AGAP1: variants seen among roughly 807,000 people sequenced by gnomAD.
The protein encoded by AGAP1 is ArfGAP with GTPase domain, ankyrin repeat and PH domain 1.
In AGAP1, 29 loss-of-function variants were observed where a neutral mutation model predicts 105.3. The ratio of observed to expected loss-of-function variants is 0.28; its 90% CI spans 0.21 to 0.38. The LOEUF (loss-of-function observed/expected upper bound fraction) is 0.38. Among genes scored for constraint, AGAP1 ranks in the 10% least tolerant of loss-of-function variants. AGAP1 has a pLI of 1.00. For synonymous variants in AGAP1, 509 were observed against 485.9 expected (o/e 1.05, Z -0.63); for missense variants, 998 against 1,165.1 (o/e 0.86, Z 2.09).
intron 11 of AGAP1, among the ~76,000 whole-genome samples, chr2:235,928,551 T>C (rs1188246441): frequency 2.0e-5 from 3 of 152,142 alleles, no homozygotes; most frequent in Admixed American, 6.5e-5. Flanking sequence ...TAGAAGGTGC[T>C]GGAGCCAACA....
rs1367030497 is a variant in AGAP1 at position 235,551,280 on chromosome 2, C to T, written c.163+56431C>T. 6.6e-6 allele frequency among the ~76,000 whole-genome samples: 1 copy of T among 151,924 alleles called. No homozygotes were observed. Among genetic ancestry groups the T allele is most frequent in the Non-Finnish European group, 1.5e-5 (1 of 68,010 alleles). On this transcript the variant is annotated intron_variant, in intron 1 of 17. Coordinates refer to ENST00000304032, the MANE Select transcript of AGAP1 (RefSeq NM_001037131.3). This position sits in a 1 kb window ranked among gnomAD's most constrained non-coding sequence, Gnocchi z 4.8. The stretch of plus-strand genomic sequence containing the variant: ...GGCCTCTGCATCTCTTGAGTTGATT[C>T]TGAAAGGGTGAGGAGAGAGGGGCTA...
Position 235,716,702 on chromosome 2 carries a change from T to TGGG in AGAP1, c.223-851_223-849dup, listed in dbSNP as rs765617858. Among the ~76,000 whole-genome samples, 1 of 151,936 alleles carries TGGG rather than the reference T, an allele frequency of 6.6e-6. No individual in the cohort carries two copies. ...GAGCAGCTTCCCAGAGAAGGCGGCA[T>TGGG]GGGGGGTATCCAGCTCCCAAGCACA... is the stretch of plus-strand genomic sequence containing the variant. On this transcript the variant is annotated intron_variant, in intron 2 of 17. Coordinates refer to ENST00000304032, the MANE Select transcript of AGAP1 (RefSeq NM_001037131.3). This position sits in a 1 kb window ranked among gnomAD's most constrained non-coding sequence, Gnocchi z 4.0.
chr2:235,580,210 G>A (rs374094850), intron 1 of AGAP1, among the ~76,000 whole-genome samples: 15 of 152,130 alleles, frequency 9.9e-5, no homozygotes, highest in African/African-American at 1.9e-4. Context: ...ATGAACGTGC[G>A]TGTACAGGGA....
chr2:235,821,180 T>C (rs1390498197), intron 9 of AGAP1, among the ~76,000 whole-genome samples: 1 of 152,160 alleles, frequency 6.6e-6, no homozygotes, highest in African/African-American at 2.4e-5. Flanking sequence ...GAAGTTAAAT[T>C]AGTAATTGCT....
In AGAP1 at chr2:236,120,404, C is replaced by T. The variant is rs776103758; in HGVS notation, c.2327C>T (p.Ala776Val). 2 of 1,611,508 alleles carry T rather than the reference C, an allele frequency of 1.2e-6. No individual in the cohort carries two copies. Among genetic ancestry groups the T allele is most frequent in the Admixed American group, 1.7e-5 (1 of 60,012 alleles). Residue 776 changes from alanine to valine, a missense_variant, in exon 17 of 18, where the codon GCC becomes GTC. Ala to Val is a moderately conservative substitution (Grantham distance 64, BLOSUM62 0). This residue lies in a region of AGAP1 where 235 missense variants were observed against 270.7 expected (regional missense o/e 0.87). Transcript: ENST00000304032. This position sits in a 1 kb window ranked among gnomAD's most constrained non-coding sequence, Gnocchi z 6.0. ...EGDGRTALHL[A>V]CRKGNVVLAQ... ...GACGGCCGCACGGCGCTGCATCTGG[C>T]CTGCCGCAAGGGGAATGTGGTCCTG...
intron 9 of AGAP1, among the ~76,000 whole-genome samples, chr2:235,833,194 T>G (rs1959657342): frequency 6.6e-6 from 1 of 152,138 alleles, no homozygotes; most frequent in South Asian, 2.1e-4. Context: ...GGAGCAGTGC[T>G]GTGGAAGCAC....
intron 5 of AGAP1, among the ~76,000 whole-genome samples, chr2:235,745,363 A>T (rs959019850): frequency 6.6e-6 from 1 of 152,128 alleles, no homozygotes; most frequent in Non-Finnish European, 1.5e-5. Context: ...AGAGAATCCA[A>T]CTGGGCACAT....
intron 1 of AGAP1, among the ~76,000 whole-genome samples, chr2:235,598,439 C>T (rs1476107879): frequency 1.3e-5 from 2 of 152,128 alleles, no homozygotes; most frequent in Admixed American, 6.5e-5. Context: ...AGAAATAAGC[C>T]ATAGGAGCTT....
chr2:235,576,367 T>G (rs888949847), intron 1 of AGAP1, among the ~76,000 whole-genome samples: 4 of 152,244 alleles, frequency 2.6e-5, no homozygotes, highest in African/African-American at 9.6e-5. Flanking sequence ...ATTATTTTTG[T>G]GTGTGTTGTA....
chr2:235,947,206 A>G (rs2053540429), intron 12 of AGAP1, among the ~76,000 whole-genome samples: 1 of 152,208 alleles, frequency 6.6e-6, no homozygotes, highest in East Asian at 1.9e-4. Flanking sequence ...CCCAACGTGT[A>G]GTCTTTTATC....
chr2:235,991,285 A>G (rs6708073), intron 13 of AGAP1, among the ~76,000 whole-genome samples: 86,070 of 152,094 alleles, frequency 0.57, 24,456 homozygotes, highest in South Asian at 0.68. Context: ...TACTTTATTC[A>G]GTATATTCTA....
intron 13 of AGAP1, among the ~76,000 whole-genome samples, chr2:235,999,625 GGTA>G (rs1208393602): frequency 6.7e-6 from 1 of 148,198 alleles, no homozygotes; most frequent in East Asian, 2.1e-4. Context: ...TGATGATGGT[GGTA>G]GTGATTGTGG....
At chr2:235,572,993 T>C (rs1944586489) in intron 1 of AGAP1, among the ~76,000 whole-genome samples, 1 of 22,362 alleles carries the variant, frequency 4.5e-5, no homozygotes, top group Non-Finnish European at 8.1e-5. Flanking sequence ...TTCTTCTTCT[T>C]CTTCTTCTTC....
In AGAP1 at chr2:235,801,387, G is replaced by A. The variant is rs1957487806; in HGVS notation, c.957+1865G>A. Among the ~76,000 whole-genome samples the A allele has an allele frequency of 6.6e-6, 1 of 152,186 alleles. No individual in the cohort carries two copies. Among genetic ancestry groups the A allele is most frequent in the South Asian group, 2.1e-4 (1 of 4,822 alleles). ...CCATTGATGCTATAAAATGATTTCT[G>A]ATCGTGTTAAGCATATGTGATAGAT... On this transcript the variant is annotated intron_variant, in intron 8 of 17. Coordinates refer to ENST00000304032, the MANE Select transcript of AGAP1 (RefSeq NM_001037131.3). This position sits in a 1 kb window ranked among gnomAD's most constrained non-coding sequence, Gnocchi z 6.0.
At chr2:235,819,304 A>G (rs1055305773) in intron 9 of AGAP1, among the ~76,000 whole-genome samples, 10 of 151,734 alleles carry the variant, frequency 6.6e-5, no homozygotes, top group African/African-American at 2.4e-4. Context: ...TAATAGAGAT[A>G]GGGTTTTGCC....
At chr2:235,767,142 C>T (rs1403133632) in intron 6 of AGAP1, among the ~76,000 whole-genome samples, 1 of 152,130 alleles carries the variant, frequency 6.6e-6, no homozygotes, top group Non-Finnish European at 1.5e-5. Context: ...AACTCCTGAC[C>T]TCAGGTGATC....
At chr2:235,761,344 T>A (rs539944839) in intron 6 of AGAP1, among the ~76,000 whole-genome samples, 2 of 152,334 alleles carry the variant, frequency 1.3e-5, no homozygotes, top group East Asian at 3.9e-4. Context: ...CTGAATTAAC[T>A]CTCACACTGC....
In AGAP1 at chr2:236,053,007, G is replaced by C. The variant is rs551948271; in HGVS notation, c.2114+3726G>C. On this transcript the variant is annotated intron_variant, in intron 16 of 17. Coordinates refer to ENST00000304032, the MANE Select transcript of AGAP1 (RefSeq NM_001037131.3). The surrounding 1 kb of genome is among the most constrained non-coding windows in gnomAD (Gnocchi z 4.6). ...TAGGGGTTTAAGAAGGGAGCCGTCA[G>C]CTGTGTGTAGGACAGGACTTCGTAA... is the stretch of plus-strand genomic sequence containing the variant. Among the ~76,000 whole-genome samples, 24 of 152,348 alleles carry C rather than the reference G, an allele frequency of 1.6e-4. No homozygotes were observed. Among genetic ancestry groups the C allele is most frequent in the African/African-American group, 5.5e-4 (23 of 41,580 alleles).
rs765328804 is a variant in AGAP1 at position 235,665,815 on chromosome 2, G to A, written c.164-43364G>A. 2.0e-5 allele frequency among the ~76,000 whole-genome samples: 3 copies of A among 152,150 alleles called. No homozygotes were observed. Among genetic ancestry groups the A allele is most frequent in the Non-Finnish European group, 4.4e-5 (3 of 68,022 alleles). ...GCGGTTCTGCTAAGATACTGCAAAC[G>A]TGATTACTGGCTGTCAGGTTCTGTT... On this transcript the variant is annotated intron_variant, in intron 1 of 17. Transcript: ENST00000304032. The surrounding 1 kb of genome is among the most constrained non-coding windows in gnomAD (Gnocchi z 5.3).
Sources: gnomAD v4.1 joint callset for allele counts (sites outside exome capture counted in the v4.1 genomes callset) on GRCh38, gnomAD v4.1.1 for gene constraint, gnomAD v4.1.1 regional missense constraint, Gnocchi (gnomAD v3.1) non-coding constraint, MANE v1.5 for transcripts, NCBI Gene and HGNC (gene_info 2026-07-23, HGNC 2026-07-21) for gene names.